TEX2: variants seen among roughly 807,000 people sequenced by gnomAD.
TEX2 encodes the protein testis expressed 2.
A neutral mutation model predicts 106.9 loss-of-function variants in TEX2; 53 were observed. That is an observed-to-expected ratio of 0.50 (90% CI 0.40 to 0.62). TEX2 has a LOEUF of 0.62. Among genes scored for constraint, TEX2 ranks in the 20% least tolerant of loss-of-function variants. The probability of loss-of-function intolerance (pLI) is 0.00; values close to 1 mark genes in which losing one functional copy is unlikely to be tolerated. For synonymous variants in TEX2, 523 were observed against 534.8 expected, an observed-to-expected ratio of 0.98 and a Z score of 0.30; for missense variants, 1,207 against 1,379.0, an observed-to-expected ratio of 0.88 and a Z score of 1.98.
chr17:64,227,875 A>G (rs782226065), intron 1 of TEX2, among the ~76,000 whole-genome samples: 3 of 152,240 alleles, frequency 2.0e-5, no homozygotes, highest in Non-Finnish European at 4.4e-5. Context: ...GGCACAGAGC[A>G]GCCCTCCCTA....
At chr17:64,229,713 TA>T (rs1441287548) in intron 1 of TEX2, among the ~76,000 whole-genome samples, 2 of 152,216 alleles carry the variant, frequency 1.3e-5, no homozygotes, top group African/African-American at 2.4e-5. Flanking sequence ...TACAAGGATC[TA>T]AATTTTAACT....
At chr17:64,245,330 A>T (rs2033966458) in intron 1 of TEX2, among the ~76,000 whole-genome samples, 2 of 152,220 alleles carry the variant, frequency 1.3e-5, no homozygotes, top group Admixed American at 6.5e-5. Flanking sequence ...TCCTAATTGA[A>T]ATCTATTTAA....
chr17:64,262,995 T>A (rs2034324678), intron 1 of TEX2, among the ~76,000 whole-genome samples, 173 bp downstream of exon 1: 1 of 150,124 alleles, frequency 6.7e-6, no homozygotes, highest in African/African-American at 2.5e-5. Context: ...CGGGTGGGCG[T>A]CCCCTTCAAT....
chr17:64,206,617 A>T (rs1555630791), intron 2 of TEX2, among the ~76,000 whole-genome samples: 1 of 138,546 alleles, frequency 7.2e-6, no homozygotes, highest in Non-Finnish European at 1.5e-5. Flanking sequence ...CAATAAGAGT[A>T]CAGTGGTGCG....
chr17:64,244,938 T>C (rs1555636150), intron 1 of TEX2, among the ~76,000 whole-genome samples: 1 of 152,126 alleles, frequency 6.6e-6, no homozygotes, highest in East Asian at 1.9e-4. Context: ...ACTCTGAAAA[T>C]CTCACTTTCA....
At position 64,213,359 on chromosome 17, in the gene TEX2, T is replaced by C; in HGVS notation, c.859A>G (p.Ile287Val). The C allele has an allele frequency of 6.2e-7, 1 of 1,614,004 alleles. No individual in the cohort carries two copies. Among genetic ancestry groups the C allele is most frequent in the Non-Finnish European group, 8.5e-7 (1 of 1,180,038 alleles). ...FFKVPEMEAKIEDTKRRLSEV... is the reference protein window; with the variant it reads ...FFKVPEMEAKVEDTKRRLSEV... Reference sequence around the variant, plus strand: ...GAAAGGCGTCGTTTAGTATCTTCAATTTTAGCCTCCATTTCGGGCACTTTA... The same window carrying C: ...GAAAGGCGTCGTTTAGTATCTTCAACTTTAGCCTCCATTTCGGGCACTTTA... The change falls in exon 2 of 12, where the codon ATT becomes GTT. Residue 287 changes from isoleucine to valine, a missense_variant. This residue lies in a region of TEX2 where 1,067 missense variants were observed against 1,193.6 expected (regional missense o/e 0.89). Coordinates refer to ENST00000584379, the MANE Select transcript of TEX2 (RefSeq NM_001288732.2). This position sits in a 1 kb window ranked among gnomAD's most constrained non-coding sequence, Gnocchi z 4.4.
chr17:64,258,953 TC>T, intron 1 of TEX2, among the ~76,000 whole-genome samples: 1 of 152,158 alleles, frequency 6.6e-6, no homozygotes, highest in Non-Finnish European at 1.5e-5. Flanking sequence ...AGCCAGGTTT[TC>T]ACCATGTTGG....
rs761055965 is a variant in TEX2 at position 64,188,265 on chromosome 17, T to C, written c.2327A>G (p.Tyr776Cys). Residue 776 changes from tyrosine (Y) to cysteine (C), a missense_variant, in exon 5 of 12, where the codon TAC becomes TGC. Tyr to Cys is a radical substitution (Grantham distance 194). Around this residue, in one of 3 missense-constraint regions of TEX2, gnomAD observed 1,067 missense variants for 1,193.6 expected, o/e 0.89. Coordinates refer to ENST00000584379, the MANE Select transcript of TEX2 (RefSeq NM_001288732.2). ...GSVRQKMLLD[Y>C]SVYMGRCVPQ... ...GACACACCTGCCCATGTACACGCTGTAGTCGAGAAGCATCTTCTGCCGCAC... is the reference window on the plus strand; with the variant it reads ...GACACACCTGCCCATGTACACGCTGCAGTCGAGAAGCATCTTCTGCCGCAC... 2 of 1,614,042 alleles carry C rather than the reference T, an allele frequency of 1.2e-6. No individual in the cohort carries two copies. Among genetic ancestry groups the C allele is most frequent in the Non-Finnish European group, 1.7e-6 (2 of 1,180,044 alleles).
At chr17:64,167,421 T>G (rs1027428000) in intron 7 of TEX2, among the ~76,000 whole-genome samples, 7 of 152,194 alleles carry the variant, frequency 4.6e-5, no homozygotes, top group African/African-American at 1.7e-4. Context: ...CAATCCTTAG[T>G]TGACATGCAT....
chr17:64,253,284 A>G lies in TEX2; in HGVS notation c.-26+9884T>C, dbSNP rs985504712. Among the ~76,000 whole-genome samples, 7 of 151,216 alleles carry G rather than the reference A, an allele frequency of 4.6e-5. No individual in the cohort carries two copies. The South Asian group carries it at 1.5e-3, about 32-fold the overall frequency. The stretch of plus-strand genomic sequence containing the variant: ...CTCCCGAGTAATTGGGACCACAGGC[A>G]CAGGCCACCAAACCCAGCTAATTTT... On this transcript the variant is annotated intron_variant, in intron 1 of 11. Transcript: ENST00000584379.
In TEX2 at chr17:64,214,102, G is replaced by C; in HGVS notation, c.116C>G (p.Ser39Trp). The C allele has an allele frequency of 2.5e-6, 4 of 1,614,158 alleles. No individual in the cohort carries two copies. Among genetic ancestry groups the C allele is most frequent in the Non-Finnish European group, 3.4e-6 (4 of 1,180,024 alleles). Reference sequence around the variant, plus strand: ...TTCCTCCTCCTCCTCGCCGGATGCCGAGAAGTGAATGGCGATGGTATCTCG... The same window carrying C: ...TTCCTCCTCCTCCTCGCCGGATGCCCAGAAGTGAATGGCGATGGTATCTCG... ...VSRDTIAIHF[S>W]ASGEEEEEEE... The change falls in exon 2 of 12, where the codon TCG becomes TGG. Residue 39 changes from serine (S) to tryptophan (W), a missense_variant. By Grantham distance (177) the Ser-to-Trp change is radical (BLOSUM62 -3). Around this residue, in one of 3 missense-constraint regions of TEX2, gnomAD observed 1,067 missense variants for 1,193.6 expected, o/e 0.89. Transcript: ENST00000584379.
At chr17:64,236,433 C>A (rs1555635147) in intron 1 of TEX2, among the ~76,000 whole-genome samples, 2 of 152,148 alleles carry the variant, frequency 1.3e-5, no homozygotes, top group African/African-American at 4.8e-5. Flanking sequence ...GGTGTGATGG[C>A]TCACGCCTGT....
At chr17:64,251,201 C>G (rs1248744209) in intron 1 of TEX2, among the ~76,000 whole-genome samples, 1 of 152,160 alleles carries the variant, frequency 6.6e-6, no homozygotes, top group African/African-American at 2.4e-5. Context: ...CACACTCAGG[C>G]ATGAGCTTAC....
At chr17:64,162,735 T>C (rs994099472) in intron 7 of TEX2, among the ~76,000 whole-genome samples, 1 of 152,182 alleles carries the variant, frequency 6.6e-6, no homozygotes, top group Non-Finnish European at 1.5e-5. Context: ...CCCAGTCACA[T>C]AGATTGGGGC....
chr17:64,178,284 G>T (rs563911691), intron 5 of TEX2, among the ~76,000 whole-genome samples: 7 of 152,318 alleles, frequency 4.6e-5, no homozygotes, highest in South Asian at 2.1e-4. Context: ...CCTGGAGGGG[G>T]TCAGGGATGG....
intron 1 of TEX2, among the ~76,000 whole-genome samples, chr17:64,229,359 C>G (rs1346148785): frequency 1.3e-5 from 2 of 152,228 alleles, no homozygotes; most frequent in Non-Finnish European, 2.9e-5. Flanking sequence ...TGCTTCTCTT[C>G]TTCTGTTAAC....
chr17:64,242,789 T>C (rs1311504179), intron 1 of TEX2, among the ~76,000 whole-genome samples: 4 of 152,122 alleles, frequency 2.6e-5, no homozygotes, highest in African/African-American at 7.2e-5. Flanking sequence ...TCATAACTAA[T>C]GTAAAAAACA....
At chr17:64,263,089 G>A (rs9895312) in intron 1 of TEX2, 79 bp downstream of exon 1, 15,085 of 152,324 alleles carry the variant, frequency 0.099, 1,882 homozygotes, top group African/African-American at 0.29. Context: ...GAAGCCCGCG[G>A]GGTCGATCCG....
intron 1 of TEX2, among the ~76,000 whole-genome samples, chr17:64,230,914 G>A (rs1168314337): frequency 6.6e-6 from 1 of 152,212 alleles, no homozygotes; most frequent in African/African-American, 2.4e-5. Context: ...CACATCAGCT[G>A]ACTAATGTGC....
Sources: gnomAD v4.1 joint callset for allele counts (sites outside exome capture counted in the v4.1 genomes callset) on GRCh38, gnomAD v4.1.1 for gene constraint, gnomAD v4.1.1 regional missense constraint, Gnocchi (gnomAD v3.1) non-coding constraint, MANE v1.5 for transcripts, NCBI Gene and HGNC (gene_info 2026-07-23, HGNC 2026-07-21) for gene names.